RAD51B: variants seen among roughly 807,000 people sequenced by gnomAD.
The protein encoded by RAD51B is DNA repair protein RAD51 homolog 2.
RAD51B carries 38 observed loss-of-function variants against 42.2 expected under a neutral mutation model. The ratio of observed to expected loss-of-function variants is 0.90; its 90% CI spans 0.70 to 1.18. The LOEUF is 1.18. RAD51B is among the 50% of genes most tolerant of loss of function. The probability of loss-of-function intolerance (pLI) is 0.00; values close to 1 mark genes in which losing one functional copy is unlikely to be tolerated. For synonymous variants in RAD51B, 154 were observed against 145.2 expected, an observed-to-expected ratio of 1.06 and a Z score of -0.43; for missense variants, 373 against 400.7, an observed-to-expected ratio of 0.93 and a Z score of 0.59.
intron 10 of RAD51B, among the ~76,000 whole-genome samples, chr14:68,484,331 T>C (rs181522955): frequency 8.5e-4 from 129 of 151,930 alleles, no homozygotes; most frequent in African/African-American, 2.9e-3. Flanking sequence ...AAACTTTTAG[T>C]TACAGTTGGG....
At chr14:67,975,727 A>G (rs993363523) in intron 7 of RAD51B, among the ~76,000 whole-genome samples, 1 of 152,236 alleles carries the variant, frequency 6.6e-6, no homozygotes, top group Non-Finnish European at 1.5e-5. Context: ...TAGTTTGAAC[A>G]GTTGGCCCCC....
intron 11 of RAD51B, among the ~76,000 whole-genome samples, chr14:68,675,298 A>C (rs1187227166): frequency 6.6e-6 from 1 of 152,206 alleles, no homozygotes; most frequent in Non-Finnish European, 1.5e-5. Context: ...TTTGAGGAGA[A>C]TCCAAGTCTC....
At chr14:68,534,015 G>A (rs1204243097) in intron 10 of RAD51B, among the ~76,000 whole-genome samples, 1 of 152,170 alleles carries the variant, frequency 6.6e-6, no homozygotes, top group Non-Finnish European at 1.5e-5. Flanking sequence ...GCGAGGAGGT[G>A]ATAAATAGAA....
chr14:68,667,536 T>C (rs1041622297), intron 11 of RAD51B, among the ~76,000 whole-genome samples: 2 of 152,184 alleles, frequency 1.3e-5, no homozygotes, highest in African/African-American at 4.8e-5. Context: ...AGTTGACACA[T>C]AAAATTAACC....
intron 10 of RAD51B, among the ~76,000 whole-genome samples, chr14:68,494,940 G>T (rs915341769): frequency 6.6e-6 from 1 of 152,160 alleles, no homozygotes; most frequent in Admixed American, 6.5e-5. Flanking sequence ...GCTCCACAGC[G>T]CATCAGTTCT....
intron 10 of RAD51B, among the ~76,000 whole-genome samples, chr14:68,610,217 C>G (rs1891622581): frequency 6.6e-6 from 1 of 152,160 alleles, no homozygotes; most frequent in Admixed American, 6.5e-5. Flanking sequence ...GGCTCAAAAC[C>G]CAGCATTCTC....
chr14:68,141,409 G>C (rs2078125322), intron 7 of RAD51B, among the ~76,000 whole-genome samples: 1 of 152,092 alleles, frequency 6.6e-6, no homozygotes. Context: ...GAGAATTGCT[G>C]CTTTTTCTCT....
chr14:68,098,427 C>T (rs902156706), intron 7 of RAD51B, among the ~76,000 whole-genome samples: 10 of 152,226 alleles, frequency 6.6e-5, no homozygotes, highest in African/African-American at 2.4e-4. Context: ...TCCAGTTTCA[C>T]TCTGCTGATA....
At chr14:68,601,729 C>T (rs1158481050) in intron 10 of RAD51B, among the ~76,000 whole-genome samples, 1 of 152,126 alleles carries the variant, frequency 6.6e-6, no homozygotes, top group Non-Finnish European at 1.5e-5. Context: ...TGCTGCCCTC[C>T]ACATGCAGGC....
chr14:68,676,157 C>T (rs1205856307), intron 11 of RAD51B, among the ~76,000 whole-genome samples: 3 of 152,166 alleles, frequency 2.0e-5, no homozygotes, highest in Non-Finnish European at 4.4e-5. Context: ...ATTAACTCAA[C>T]TCAAACGCAT....
chr14:68,390,843 A>T (rs1012671561), intron 8 of RAD51B, among the ~76,000 whole-genome samples: 2 of 152,200 alleles, frequency 1.3e-5, no homozygotes, highest in African/African-American at 4.8e-5. Flanking sequence ...AGATACATAG[A>T]GAAAGAGCGT....
intron 11 of RAD51B, among the ~76,000 whole-genome samples, chr14:68,672,271 C>T (rs1258341607): frequency 6.6e-6 from 1 of 152,138 alleles, no homozygotes; most frequent in African/African-American, 2.4e-5. Flanking sequence ...CTTACTAGTG[C>T]TAGGGAAGGA....
chr14:68,043,902 G>A (rs900372599), intron 7 of RAD51B, among the ~76,000 whole-genome samples: 2 of 152,202 alleles, frequency 1.3e-5, no homozygotes, highest in African/African-American at 4.8e-5. Context: ...TTCCATTACT[G>A]TTTGCAGAAA....
chr14:68,116,316 C>A (rs2140609016), intron 7 of RAD51B, among the ~76,000 whole-genome samples: 1 of 141,836 alleles, frequency 7.1e-6, no homozygotes, highest in East Asian at 2.1e-4. Context: ...ACCTGAGTTT[C>A]ATACATAAAG....
At chr14:68,511,076 C>T (rs1442014226) in intron 10 of RAD51B, among the ~76,000 whole-genome samples, 4 of 152,220 alleles carry the variant, frequency 2.6e-5, no homozygotes, top group Non-Finnish European at 5.9e-5. Context: ...GGTGCTCTTT[C>T]TCTCCCTGGT....
chr14:68,137,452 A>G (rs768804963), intron 7 of RAD51B, among the ~76,000 whole-genome samples: 3 of 152,204 alleles, frequency 2.0e-5, no homozygotes, highest in Non-Finnish European at 4.4e-5. Flanking sequence ...TTTAATGACT[A>G]CAAAAGCTAA....
intron 10 of RAD51B, among the ~76,000 whole-genome samples, chr14:68,510,933 G>GA (rs969918585): frequency 2.6e-5 from 4 of 152,288 alleles, no homozygotes; most frequent in African/African-American, 9.6e-5. Flanking sequence ...CTGGGCTAGG[G>GA]AAAATCATCA....
At chr14:67,932,920 C>A (rs1438411710) in intron 7 of RAD51B, among the ~76,000 whole-genome samples, 1 of 152,170 alleles carries the variant, frequency 6.6e-6, no homozygotes, top group East Asian at 1.9e-4. Context: ...CTGGCAATAG[C>A]AGCAGTGGCA....
At chr14:68,610,886 T>TGTG in intron 10 of RAD51B, 1 of 453,512 alleles carries the variant, frequency 2.2e-6, no homozygotes, top group Non-Finnish European at 4.2e-6. Context: ...TGTGTGTGTG[T>TGTG]CATCTCCCTA....
Sources: gnomAD v4.1 joint callset for allele counts (sites outside exome capture counted in the v4.1 genomes callset) on GRCh38, gnomAD v4.1.1 for gene constraint, MANE v1.5 for transcripts, NCBI Gene and HGNC (gene_info 2026-07-23, HGNC 2026-07-21) for gene names.